The following TBXAS1 variants were observed in gnomAD, a reference collection of about 807,000 sequenced individuals.
The protein encoded by TBXAS1 is thromboxane A synthase 1, also known as thromboxane-A synthase.
TBXAS1 carries 48 observed loss-of-function variants against 60.7 expected under a neutral mutation model. The ratio of observed to expected loss-of-function variants is 0.79; its 90% confidence interval spans 0.63 to 1.01. TBXAS1 has a LOEUF of 1.01. Among genes scored for constraint, TBXAS1 ranks in the 50% least tolerant of loss-of-function variants. The pLI, the probability that TBXAS1 is intolerant of heterozygous loss-of-function variation, is 0.00. For missense variants in TBXAS1, 685 were observed against 686.3 expected (o/e 1.00, Z 0.02); for synonymous variants, 287 against 269.7 (o/e 1.06, Z -0.63).
chr7:139,831,206 G>A (rs952100830), intron 1 of TBXAS1, among the ~76,000 whole-genome samples: 1 of 152,184 alleles, frequency 6.6e-6, no homozygotes, highest in African/African-American at 2.4e-5. Flanking sequence ...CAGAGGTTCT[G>A]GGGGTGAGCT....
intron 3 of TBXAS1, among the ~76,000 whole-genome samples, chr7:139,890,694 A>G (rs1377410673): frequency 6.6e-6 from 1 of 152,222 alleles, no homozygotes; most frequent in African/African-American, 2.4e-5. Context: ...ACCATTGTGA[A>G]TTATCAACAT....
chr7:139,877,070 T>C (rs1041410299), intron 3 of TBXAS1, among the ~76,000 whole-genome samples: 17 of 152,168 alleles, frequency 1.1e-4, no homozygotes, highest in African/African-American at 4.1e-4. Context: ...ACCCTATTGG[T>C]TAAACCAAGT....
At chr7:139,807,269 C>T (rs1414599741) in intron 4 of TBXAS1, among the ~76,000 whole-genome samples, 6 of 152,308 alleles carry the variant, frequency 3.9e-5, no homozygotes, top group Non-Finnish European at 5.9e-5. Context: ...TGCAGTGGCA[C>T]GATCATAGCT....
intron 9 of TBXAS1, among the ~76,000 whole-genome samples, chr7:139,970,337 C>T (rs1352047032): frequency 6.6e-6 from 1 of 152,196 alleles, no homozygotes; most frequent in Admixed American, 6.5e-5. Flanking sequence ...GAACTCCTGA[C>T]CTCAGGTGAT....
Position 140,007,075 on chromosome 7 carries a change from A to G in TBXAS1, c.1135-16A>G, listed in dbSNP as rs1814130630. ...GCTAACACGAACTTCTCCCTTTGTC[A>G]CGACCCCTCCATCAGATGGCCCCTG... On this transcript the variant is annotated splice_polypyrimidine_tract_variant and intron_variant, in intron 9 of 12. Coordinates refer to ENST00000448866, the MANE Select transcript of TBXAS1 (RefSeq NM_001061.7). The G allele has an allele frequency of 1.9e-6, 3 of 1,612,548 alleles. No individual in the cohort carries two copies. The highest frequency in any genetic ancestry group is 2.5e-6 in the Non-Finnish European group (3 of 1,178,660).
chr7:139,888,001 C>T (rs1316021774), intron 3 of TBXAS1, among the ~76,000 whole-genome samples: 1 of 152,134 alleles, frequency 6.6e-6, no homozygotes, highest in African/African-American at 2.4e-5. Flanking sequence ...CCCTTTGTGC[C>T]CTGGATCCCA....
At chr7:139,894,025 G>C (rs552405174) in intron 3 of TBXAS1, among the ~76,000 whole-genome samples, 13 of 152,320 alleles carry the variant, frequency 8.5e-5, no homozygotes, top group African/African-American at 3.1e-4. Context: ...TATAGATGAA[G>C]AAGCTGAGGG....
chr7:139,891,850 T>C (rs1158834377), intron 3 of TBXAS1, among the ~76,000 whole-genome samples: 1 of 152,212 alleles, frequency 6.6e-6, no homozygotes, highest in East Asian at 1.9e-4. Context: ...TGGGTAATGG[T>C]ACTATTTTAC....
At chr7:139,867,615 G>C (rs551663539) in intron 1 of TBXAS1, among the ~76,000 whole-genome samples, 1 of 152,258 alleles carries the variant, frequency 6.6e-6, no homozygotes, top group East Asian at 1.9e-4. Flanking sequence ...GAGGTCAGGA[G>C]TTCAAGACCA....
rs71170921 is a variant in TBXAS1 at position 139,898,413 on chromosome 7, C to CTTTTTTTTTTTTTTTTT, written c.237-12796_237-12780dup. On this transcript the variant is annotated intron_variant, in intron 3 of 12. Coordinates refer to ENST00000448866, the MANE Select transcript of TBXAS1 (RefSeq NM_001061.7). ...ATCAGAAGTTTCCCAACGTGCATGG[C>CTTTTTTTTTTTTTTTTT]TTTTTTTTTTTTTTTTTTTTTTTTT... Among the ~76,000 whole-genome samples, 11 of 82,252 alleles carry CTTTTTTTTTTTTTTTTT rather than the reference C, an allele frequency of 1.3e-4. 1 individual carries two copies. The highest frequency in any genetic ancestry group is 4.9e-4 in the African/African-American group (10 of 20,492). 54.0% of individuals were successfully genotyped at this position (82,252 alleles called of 152,430 possible). A position where few individuals can be genotyped will look rare whatever the true frequency, so the allele number is the denominator to read the frequency against.
At chr7:139,839,328 T>C (rs1799272230) in intron 1 of TBXAS1, among the ~76,000 whole-genome samples, 1 of 152,188 alleles carries the variant, frequency 6.6e-6, no homozygotes, top group Non-Finnish European at 1.5e-5. Context: ...AGTTTCATGC[T>C]TTAGGCGTGA....
chr7:139,955,405 G>T, intron 6 of TBXAS1, 54 bp from the exon 7 acceptor site: 2 of 1,612,058 alleles, frequency 1.2e-6, no homozygotes, highest in Non-Finnish European at 1.7e-6. Flanking sequence ...GGGGGCCATT[G>T]TGGGTAGCCC....
chr7:139,972,039 C>G (rs1811237011), intron 9 of TBXAS1, among the ~76,000 whole-genome samples: 1 of 152,154 alleles, frequency 6.6e-6, no homozygotes, highest in Non-Finnish European at 1.5e-5. Context: ...ACAGGGGAGG[C>G]AGGGTGAAGA....
intron 1 of TBXAS1, chr7:139,780,596 C>T (rs899275641): frequency 6.5e-6 from 1 of 154,404 alleles, no homozygotes; most frequent in African/African-American, 2.4e-5. Context: ...ATATAGTCCT[C>T]ATCACAGCCT....
At chr7:139,791,189 A>G (rs1000359461) in intron 4 of TBXAS1, among the ~76,000 whole-genome samples, 1 of 152,238 alleles carries the variant, frequency 6.6e-6, no homozygotes, top group Non-Finnish European at 1.5e-5. Flanking sequence ...CAGTTAGGTA[A>G]CACTAGTTGT....
upstream of TBXAS1, among the ~76,000 whole-genome samples, chr7:139,826,765 A>G (rs1798447769): frequency 1.3e-5 from 2 of 152,154 alleles, no homozygotes; most frequent in Non-Finnish European, 2.9e-5. Flanking sequence ...TAAGCACTCA[A>G]ATGACATGAT....
At chr7:139,797,553 A>G (rs746318101) in intron 4 of TBXAS1, 24 of 152,240 alleles carry the variant, frequency 1.6e-4, no homozygotes, top group Non-Finnish European at 2.5e-4. Flanking sequence ...TTCACCATGT[A>G]GTGACTCAGC....
chr7:139,996,564 C>T (rs1359728954), intron 9 of TBXAS1, among the ~76,000 whole-genome samples: 1 of 152,192 alleles, frequency 6.6e-6, no homozygotes, highest in Non-Finnish European at 1.5e-5. Flanking sequence ...AAGATGCTGC[C>T]CCACCCATGT....
In TBXAS1 at chr7:140,017,700, G is replaced by C. The variant is rs41311778; in HGVS notation, c.1394G>C (p.Arg465Pro). The C allele has an allele frequency of 7.4e-6, 12 of 1,613,532 alleles. No homozygotes were observed. The highest frequency in any genetic ancestry group is 1.0e-5 in the Non-Finnish European group (12 of 1,179,886). The change falls in exon 12 of 13, where the codon CGG (arginine) becomes CCG (proline). Residue 465 changes from arginine to proline, a missense_variant. By Grantham distance (103) the Arg-to-Pro change is moderately radical. Transcript: ENST00000448866. ...RFTAEARQQH[R>P]PFTYLPFGAG... Reference sequence around the variant, plus strand: ...ACGGCTGAGGCCCGGCAGCAGCACCGGCCCTTCACGTACCTGCCCTTCGGG... The same window carrying C: ...ACGGCTGAGGCCCGGCAGCAGCACCCGCCCTTCACGTACCTGCCCTTCGGG...
Sources: allele counts gnomAD v4.1 joint callset (sites outside exome capture counted in the v4.1 genomes callset), GRCh38; gene constraint gnomAD v4.1.1; transcripts MANE v1.5; gene names NCBI Gene and HGNC (gene_info 2026-07-23, HGNC 2026-07-21).